The following LRP1B variants were observed in gnomAD, a reference collection of about 807,000 sequenced individuals.
LRP1B encodes the protein LDL receptor related protein 1B, also known as low-density lipoprotein receptor-related protein 1B.
In LRP1B, 217 loss-of-function variants were observed where a neutral mutation model predicts 556.6. The observed-to-expected ratio is 0.39, with a 90% CI of 0.35 to 0.44. The LOEUF (loss-of-function observed/expected upper bound fraction) is 0.44, where lower values mean the gene tolerates loss of function less well. Among genes scored for constraint, LRP1B ranks in the 20% least tolerant of loss-of-function variants. The pLI is 1.00. For synonymous variants in LRP1B, 2,047 were observed against 1,865.8 expected (o/e 1.10, Z -2.50); for missense variants, 5,053 against 5,620.8 (o/e 0.90, Z 3.23).
At chr2:140,443,769 TGAAAA>T (rs1686531752) in intron 65 of LRP1B, among the ~76,000 whole-genome samples, 1 of 152,148 alleles carries the variant, frequency 6.6e-6, no homozygotes, top group Non-Finnish European at 1.5e-5. Flanking sequence ...AAATATGAGA[TGAAAA>T]GAAACAAAAT....
chr2:141,332,439 T>C (rs917272559), intron 3 of LRP1B, among the ~76,000 whole-genome samples: 5 of 130,236 alleles, frequency 3.8e-5, no homozygotes, highest in Admixed American at 7.7e-5. Flanking sequence ...GCTTCTCCCA[T>C]ATCTAACTGA....
chr2:140,576,151 G>T (rs758586310), intron 43 of LRP1B, among the ~76,000 whole-genome samples: 1 of 151,982 alleles, frequency 6.6e-6, no homozygotes, highest in Non-Finnish European at 1.5e-5. Context: ...TTATAATAAA[G>T]AATTTAAAAG....
chr2:141,160,106 A>AT (rs200934360), intron 7 of LRP1B, among the ~76,000 whole-genome samples: 8,451 of 151,378 alleles, frequency 0.056, 313 homozygotes, highest in South Asian at 0.12. Flanking sequence ...CCCATTTCTT[A>AT]TTTTTTTTTA....
intron 1 of LRP1B, among the ~76,000 whole-genome samples, chr2:142,043,462 CT>C (rs1167485866): frequency 2.6e-5 from 4 of 151,190 alleles, no homozygotes; most frequent in East Asian, 2.0e-4. Context: ...TAAAGCATCC[CT>C]TTTTTTTAGG....
intron 35 of LRP1B, among the ~76,000 whole-genome samples, chr2:140,767,661 A>G (rs1015175156): frequency 1.3e-5 from 2 of 151,232 alleles, no homozygotes; most frequent in African/African-American, 4.8e-5. Flanking sequence ...TATTTTTTTT[A>G]TTATACTTTA....
At chr2:141,858,147 G>A (rs1052621799) in intron 1 of LRP1B, among the ~76,000 whole-genome samples, 3 of 151,946 alleles carry the variant, frequency 2.0e-5, no homozygotes, top group Non-Finnish European at 2.9e-5. Flanking sequence ...AAATACCTGC[G>A]TTAAATTTTG....
At chr2:140,504,844 C>T (rs1211998435) in intron 53 of LRP1B, among the ~76,000 whole-genome samples, 1 of 152,176 alleles carries the variant, frequency 6.6e-6, no homozygotes, top group Non-Finnish European at 1.5e-5. Flanking sequence ...CAATAACCCC[C>T]TAACTAGTTT....
intron 31 of LRP1B, among the ~76,000 whole-genome samples, chr2:140,818,936 CAAAAAAAA>C (rs543167243): frequency 7.8e-5 from 8 of 102,900 alleles, no homozygotes; most frequent in Middle Eastern, 5.3e-3. Context: ...GACTCTGTCT[CAAAAAAAA>C]AAAAAAAAAA....
chr2:140,729,382 A>T (rs1420519631), intron 35 of LRP1B, among the ~76,000 whole-genome samples: 1 of 152,168 alleles, frequency 6.6e-6, no homozygotes, highest in African/African-American at 2.4e-5. Flanking sequence ...GCCTATGCTT[A>T]CTGTGTAAGG....
intron 43 of LRP1B, among the ~76,000 whole-genome samples, chr2:140,591,024 G>A (rs917274155): frequency 6.6e-6 from 1 of 152,066 alleles, no homozygotes; most frequent in Non-Finnish European, 1.5e-5. Flanking sequence ...CTGTTCTAAA[G>A]ATTAGAAAGT....
At chr2:140,880,129 T>C (rs1693429193) in intron 25 of LRP1B, among the ~76,000 whole-genome samples, 1 of 152,118 alleles carries the variant, frequency 6.6e-6, no homozygotes, top group African/African-American at 2.4e-5. Flanking sequence ...AGTTAAAAAT[T>C]TAGTTTAACT....
At chr2:141,975,391 C>T (rs572946264) in intron 1 of LRP1B, among the ~76,000 whole-genome samples, 186 of 152,008 alleles carry the variant, frequency 1.2e-3, no homozygotes, top group Non-Finnish European at 2.3e-3. Flanking sequence ...AATTAGCCTC[C>T]TCCTTCATGG....
intron 1 of LRP1B, among the ~76,000 whole-genome samples, chr2:141,935,577 GA>G (rs1700614241): frequency 6.6e-6 from 1 of 151,956 alleles, no homozygotes; most frequent in Non-Finnish European, 1.5e-5. Context: ...GGACAAAGTA[GA>G]ATAATTAAAT....
intron 6 of LRP1B, among the ~76,000 whole-genome samples, chr2:141,202,349 C>A (rs144120876): frequency 1.3e-5 from 2 of 152,268 alleles, no homozygotes; most frequent in African/African-American, 4.8e-5. Context: ...CACATCTTTG[C>A]TATTGTGAAT....
chr2:140,421,309 T>G (rs1000007364), intron 66 of LRP1B, among the ~76,000 whole-genome samples: 1 of 152,294 alleles, frequency 6.6e-6, no homozygotes, highest in Middle Eastern at 3.4e-3. Context: ...CAATTATATA[T>G]CAATAAAGTT....
intron 35 of LRP1B, among the ~76,000 whole-genome samples, chr2:140,764,677 G>T (rs192418747): frequency 2.6e-5 from 4 of 152,148 alleles, no homozygotes; most frequent in Non-Finnish European, 5.9e-5. Flanking sequence ...TGATCAGAAA[G>T]TAGAGTTCCC....
intron 2 of LRP1B, among the ~76,000 whole-genome samples, chr2:141,488,454 C>G (rs893821538): frequency 6.6e-6 from 1 of 152,024 alleles, no homozygotes; most frequent in African/African-American, 2.4e-5. Context: ...AAGCCTGCTA[C>G]TAACTCCAAA....
intron 1 of LRP1B, among the ~76,000 whole-genome samples, chr2:141,875,551 G>A (rs1039418875): frequency 6.6e-6 from 1 of 151,544 alleles, no homozygotes; most frequent in African/African-American, 2.4e-5. Context: ...ATTCCTTTAG[G>A]TCTTAAGCAA....
chr2:140,648,165 C>A (rs1377482558), intron 41 of LRP1B, among the ~76,000 whole-genome samples: 1 of 152,054 alleles, frequency 6.6e-6, no homozygotes, highest in Non-Finnish European at 1.5e-5. Flanking sequence ...TAGAAACCAT[C>A]AATCTGAGCA....
Sources: allele counts gnomAD v4.1 joint callset (sites outside exome capture counted in the v4.1 genomes callset), GRCh38; gene constraint gnomAD v4.1.1; transcripts MANE v1.5; gene names NCBI Gene and HGNC (gene_info 2026-07-23, HGNC 2026-07-21).